DNM2: variants seen among roughly 807,000 people sequenced by gnomAD.
DNM2 encodes the protein dynamin 2.
Under a neutral mutation model 99.0 loss-of-function variants are expected in DNM2, and 15 were observed. The ratio of observed to expected loss-of-function variants is 0.15; its 90% CI spans 0.10 to 0.23. The LOEUF is 0.23. DNM2 is among the 10% of genes least tolerant of loss of function. DNM2 has a pLI of 1.00. For synonymous variants in DNM2, 525 were observed against 481.2 expected (o/e 1.09, Z -1.19); for missense variants, 742 against 1,189.4 (o/e 0.62, Z 5.53).
At chr19:10,766,956 C>T (rs1270681966) in intron 2 of DNM2, among the ~76,000 whole-genome samples, 2 of 152,210 alleles carry the variant, frequency 1.3e-5, no homozygotes, top group South Asian at 2.1e-4. Context: ...CTCAGGGTGC[C>T]GGGTGACAGT....
chr19:10,730,985 G>T, intron 1 of DNM2, among the ~76,000 whole-genome samples: 1 of 152,208 alleles, frequency 6.6e-6, no homozygotes, highest in East Asian at 1.9e-4. Context: ...ACACCTCCAT[G>T]CCCAGGTGAA....
At chr19:10,753,694 T>C (rs552649545) in intron 1 of DNM2, among the ~76,000 whole-genome samples, 2 of 151,796 alleles carry the variant, frequency 1.3e-5, no homozygotes, top group South Asian at 2.1e-4. Flanking sequence ...TTTCGCTCTT[T>C]GTTGTGCAAG....
rs527622134 is a variant in DNM2 at position 10,792,544 on chromosome 19, A to G, written c.993-1176A>G. Among the ~76,000 whole-genome samples the G allele has an allele frequency of 2.1e-4, 32 of 152,350 alleles. No individual in the cohort carries two copies. In the South Asian group the frequency reaches 6.6e-3, roughly 32 times the overall value. The stretch of plus-strand genomic sequence containing the variant: ...CCAGGCCCGTTCTAAGGGGCGACAC[A>G]TGTTATTACCACTTTTTGTCCATTA... On this transcript the variant is annotated intron_variant, in intron 7 of 20. Coordinates refer to ENST00000389253, the MANE Select transcript of DNM2 (RefSeq NM_001005361.3).
intron 15 of DNM2, among the ~76,000 whole-genome samples, chr19:10,813,755 G>C (rs1192622913): frequency 6.6e-6 from 1 of 151,294 alleles, no homozygotes; most frequent in Non-Finnish European, 1.5e-5. Flanking sequence ...GAGCCCAGGA[G>C]ATGGAGGCTG....
chr19:10,732,346 A>T (rs2069356361), intron 1 of DNM2, among the ~76,000 whole-genome samples: 1 of 148,042 alleles, frequency 6.8e-6, no homozygotes, highest in Non-Finnish European at 1.5e-5. Context: ...CATGCCTGTA[A>T]TCCCAGCACT....
At chr19:10,753,385 C>T (rs2070267773) in intron 1 of DNM2, among the ~76,000 whole-genome samples, 1 of 136,890 alleles carries the variant, frequency 7.3e-6, no homozygotes, top group Admixed American at 7.4e-5. Context: ...TTTTCCTTCC[C>T]CTTCCCCCCT....
At chr19:10,787,490 G>A (rs1336365944) in intron 7 of DNM2, among the ~76,000 whole-genome samples, 1 of 151,182 alleles carries the variant, frequency 6.6e-6, no homozygotes, top group Non-Finnish European at 1.5e-5. Flanking sequence ...AAAAAGGCCA[G>A]GCACGGTGGC....
intron 2 of DNM2, among the ~76,000 whole-genome samples, chr19:10,769,853 C>T (rs1297012454): frequency 6.6e-6 from 1 of 152,152 alleles, no homozygotes; most frequent in Non-Finnish European, 1.5e-5. Flanking sequence ...GTCATCGGAG[C>T]CCACTGAGTC....
At chr19:10,719,683 A>T (rs1196898756) in intron 1 of DNM2, among the ~76,000 whole-genome samples, 1 of 152,168 alleles carries the variant, frequency 6.6e-6, no homozygotes, top group African/African-American at 2.4e-5. Context: ...CTGCCAAATG[A>T]TAACATCCTC....
At chr19:10,726,725 G>T (rs1048126420) in intron 1 of DNM2, among the ~76,000 whole-genome samples, 1 of 152,140 alleles carries the variant, frequency 6.6e-6, no homozygotes, top group South Asian at 2.1e-4. Flanking sequence ...TTAGCCGGGC[G>T]TGGTGGCAGG....
At chr19:10,824,271 G>A (rs374924869) in intron 17 of DNM2, 1 of 316,120 alleles carries the variant, frequency 3.2e-6, no homozygotes, top group Non-Finnish European at 6.2e-6. Context: ...GGAGGCTGAG[G>A]TGGGCAGATC....
chr19:10,811,992 C>G lies in DNM2; in HGVS notation c.1558-272C>G, dbSNP rs1386196386. ...AAGCCCCAGGGACTCCTCCCATGGG[C>G]CCCTTTCCATCAGGCCTCTGTGAGT... On this transcript the variant is annotated intron_variant, in intron 14 of 20. Transcript: ENST00000389253. The surrounding 1 kb of genome is among the most constrained non-coding windows in gnomAD (Gnocchi z 5.4). The G allele has an allele frequency of 2.1e-6, 1 of 484,988 alleles. No homozygotes were observed. The highest frequency in any genetic ancestry group is 2.0e-5 in the African/African-American group (1 of 51,084). 30.0% of individuals were successfully genotyped at this position (484,988 alleles called of 1,614,324 possible).
chr19:10,817,456 T>C lies in DNM2; in HGVS notation c.1672-2524T>C. ...ACCAATGTGCAGACTACTGTACACA[T>C]TGAGAGCCTCCTGAACAGGTAGTCT... On this transcript the variant is annotated intron_variant, in intron 15 of 20. Transcript: ENST00000389253. This position sits in a 1 kb window ranked among gnomAD's most constrained non-coding sequence, Gnocchi z 4.6. 4.0e-6 allele frequency: 2 copies of C among 504,612 alleles called. No individual in the cohort carries two copies. The highest frequency in any genetic ancestry group is 4.1e-6 in the Non-Finnish European group (1 of 245,382). The allele number at this position is 504,612 out of a possible 1,614,324, so 31.3% of individuals were successfully genotyped here.
intron 1 of DNM2, among the ~76,000 whole-genome samples, chr19:10,726,298 C>T (rs959179243): frequency 1.3e-5 from 2 of 151,946 alleles, no homozygotes; most frequent in African/African-American, 2.4e-5. Flanking sequence ...TGGGCCCAAG[C>T]GATCCTCCTG....
chr19:10,758,521 T>C (rs1241648322), intron 1 of DNM2, among the ~76,000 whole-genome samples: 1 of 83,190 alleles, frequency 1.2e-5, no homozygotes, highest in East Asian at 3.9e-4. Flanking sequence ...CTCCCTTTCC[T>C]CCCTTCCCTC....
chr19:10,782,896 TC>T, intron 5 of DNM2, 63 bp from the exon 6 acceptor site: 1 of 1,610,624 alleles, frequency 6.2e-7, no homozygotes, highest in Non-Finnish European at 8.5e-7. Context: ...ATCTTGCCCA[TC>T]CCCGTGCCAG....
chr19:10,766,372 A>G (rs2070796252), intron 2 of DNM2, among the ~76,000 whole-genome samples: 1 of 152,110 alleles, frequency 6.6e-6, no homozygotes, highest in South Asian at 2.1e-4. Flanking sequence ...TCCAGGCCAG[A>G]GGTGACTGTG....
intron 1 of DNM2, among the ~76,000 whole-genome samples, chr19:10,729,937 G>A (rs990624553): frequency 6.6e-6 from 1 of 151,300 alleles, no homozygotes. Flanking sequence ...GTCATGGCTC[G>A]CTGCAGCCTT....
In DNM2 at chr19:10,831,818, C is replaced by T; in HGVS notation, c.*771C>T. On this transcript the variant is annotated 3_prime_UTR_variant, in exon 21 of 21. Transcript: ENST00000389253. The surrounding 1 kb of genome is among the most constrained non-coding windows in gnomAD (Gnocchi z 4.3). ...CGGCCTCTCTCTGAGGAGACCTCAC[C>T]CACTCCTCGCTCAGTTTGACCACTG... The T allele has an allele frequency of 4.0e-6, 4 of 988,992 alleles. No homozygotes were observed. Among genetic ancestry groups the T allele is most frequent in the Non-Finnish European group, 4.8e-6 (4 of 832,072 alleles). 61.3% of individuals were successfully genotyped at this position (988,992 alleles called of 1,614,324 possible). A position where few individuals can be genotyped will look rare whatever the true frequency, so the allele number is the denominator to read the frequency against.
Sources: allele counts gnomAD v4.1 joint callset (sites outside exome capture counted in the v4.1 genomes callset), GRCh38; gene constraint gnomAD v4.1.1; non-coding constraint Gnocchi (gnomAD v3.1); transcripts MANE v1.5; gene names NCBI Gene and HGNC (gene_info 2026-07-23, HGNC 2026-07-21).